Variants in PTPRT observed in about 807,000 individuals in gnomAD.
PTPRT encodes receptor-type tyrosine-protein phosphatase T.
In PTPRT, 56 loss-of-function variants were observed where a neutral mutation model predicts 176.8. The ratio of observed to expected loss-of-function variants is 0.32; its 90% CI spans 0.26 to 0.40. The LOEUF (loss-of-function observed/expected upper bound fraction) is 0.40. Ranked by LOEUF, PTPRT falls within the 10% of genes least tolerant of loss-of-function variation. The probability of loss-of-function intolerance (pLI) is 1.00; values close to 1 mark genes in which losing one functional copy is unlikely to be tolerated. For synonymous variants in PTPRT, 783 were observed against 739.0 expected, an observed-to-expected ratio of 1.06 and a Z score of -0.96; for missense variants, 1,540 against 1,908.2, an observed-to-expected ratio of 0.81 and a Z score of 3.60.
At chr20:42,512,354 T>C (rs1362739132) in intron 7 of PTPRT, among the ~76,000 whole-genome samples, 2 of 152,192 alleles carry the variant, frequency 1.3e-5, no homozygotes, top group African/African-American at 4.8e-5. Context: ...TATGGTTTTA[T>C]CTTTTTGAGA....
intron 5 of PTPRT, among the ~76,000 whole-genome samples, chr20:42,765,241 A>G (rs973368651): frequency 6.6e-6 from 1 of 152,204 alleles, no homozygotes; most frequent in Non-Finnish European, 1.5e-5. Flanking sequence ...GAGGCCTGAG[A>G]GTCAGCTCCA....
chr20:42,755,969 G>A (rs1335594810), intron 6 of PTPRT, among the ~76,000 whole-genome samples: 2 of 152,122 alleles, frequency 1.3e-5, no homozygotes, highest in East Asian at 3.9e-4. Flanking sequence ...GTATCTCAAG[G>A]TGAACAAGAA....
At position 42,678,026 on chromosome 20, in the gene PTPRT, T is replaced by G; in HGVS notation, c.993A>C (p.Thr331=). Residue 331 remains threonine (T), a synonymous_variant, in exon 7 of 31, where the codon ACA becomes ACC. Coordinates refer to ENST00000373187, the MANE Select transcript of PTPRT (RefSeq NM_007050.6). ...CTATGTGGGTCTCTGCCCACGTGCC[T>G]GTGGTGGTGCGATATTCCACTTCCT... The part of the protein sequence containing the change: ...ILKEVEYRTT[T]GTWAETHIVD... 6.2e-7 allele frequency: 1 copy of G among 1,614,162 alleles called. No homozygotes were observed. Among genetic ancestry groups the G allele is most frequent in the African/African-American group, 1.3e-5 (1 of 75,058 alleles).
chr20:42,618,034 G>T lies in PTPRT; in HGVS notation c.1153+59832C>A, dbSNP rs1417278158. Among the ~76,000 whole-genome samples, 180 of 136,118 alleles carry T rather than the reference G, an allele frequency of 1.3e-3. 45 individuals are homozygous for T. The highest frequency in any genetic ancestry group is 5.4e-3 in the African/African-American group (168 of 30,868). 89.3% of individuals were successfully genotyped at this position (136,118 alleles called of 152,430 possible). A position where few individuals can be genotyped will look rare whatever the true frequency, so the allele number is the denominator to read the frequency against. ...CTTGTTCTTTTAATTGTGATGTTAG[G>T]GTGTCAATTTTGGATCTTTCCTGCT... On this transcript the variant is annotated intron_variant, in intron 7 of 30. Transcript: ENST00000373187.
intron 6 of PTPRT, among the ~76,000 whole-genome samples, chr20:42,742,822 A>C (rs1274649423): frequency 6.6e-6 from 1 of 152,168 alleles, no homozygotes; most frequent in Non-Finnish European, 1.5e-5. Context: ...GTCCCTTTCT[A>C]CAGATGGAGA....
intron 2 of PTPRT, among the ~76,000 whole-genome samples, chr20:42,870,643 G>A (rs533562680): frequency 2.2e-4 from 33 of 152,326 alleles, no homozygotes; most frequent in African/African-American, 7.7e-4. Context: ...ACACAATGAT[G>A]AAATTGCATA....
intron 1 of PTPRT, among the ~76,000 whole-genome samples, chr20:42,923,121 T>C (rs73910631): frequency 0.03 from 4,600 of 152,164 alleles, 154 homozygotes; most frequent in African/African-American, 0.082. Context: ...TTCATACCTG[T>C]AGGAGAGCCA....
chr20:42,190,813 C>T (rs1194301358), intron 16 of PTPRT, among the ~76,000 whole-genome samples: 1 of 152,166 alleles, frequency 6.6e-6, no homozygotes, highest in East Asian at 1.9e-4. Context: ...ATAATAACAT[C>T]TACAGAAGGC....
At chr20:43,171,256 T>C (rs968803693) in intron 1 of PTPRT, among the ~76,000 whole-genome samples, 43 of 152,176 alleles carry the variant, frequency 2.8e-4, no homozygotes, top group African/African-American at 1.0e-3. Flanking sequence ...ACACAGAATC[T>C]TCGATTCAAG....
intron 8 of PTPRT, among the ~76,000 whole-genome samples, chr20:42,462,256 T>C (rs1453253453): frequency 6.6e-6 from 1 of 152,122 alleles, no homozygotes; most frequent in African/African-American, 2.4e-5. Flanking sequence ...AAATATTCTC[T>C]GGGAGACTAG....
In PTPRT at chr20:43,101,179, G is replaced by A. The variant is rs2012379026; in HGVS notation, c.88+88467C>T. Reference sequence around the variant, plus strand: ...CATACAAAGATAAGAAAATTCAAGTGCTCCGAACCTCAGTTTTCTTAACAA... The same window carrying A: ...CATACAAAGATAAGAAAATTCAAGTACTCCGAACCTCAGTTTTCTTAACAA... On this transcript the variant is annotated intron_variant, in intron 1 of 30. Coordinates refer to ENST00000373187, the MANE Select transcript of PTPRT (RefSeq NM_007050.6). Among the ~76,000 whole-genome samples the A allele has an allele frequency of 2.0e-5, 3 of 152,102 alleles. No individual in the cohort carries two copies. In the South Asian group the frequency reaches 6.2e-4, roughly 31 times the overall value.
At chr20:43,039,994 T>C (rs1351110861) in intron 1 of PTPRT, among the ~76,000 whole-genome samples, 2 of 151,668 alleles carry the variant, frequency 1.3e-5, no homozygotes, top group East Asian at 3.9e-4. Flanking sequence ...TGAGCCGAGA[T>C]AGTACCGTTG....
intron 6 of PTPRT, among the ~76,000 whole-genome samples, chr20:42,680,671 G>A (rs907312702): frequency 4.6e-5 from 7 of 152,276 alleles, no homozygotes; most frequent in Middle Eastern, 3.4e-3. Context: ...GGCTGAGTGA[G>A]TGGCCCCATT....
chr20:42,804,597 A>G (rs758922798), intron 2 of PTPRT, among the ~76,000 whole-genome samples: 2 of 152,206 alleles, frequency 1.3e-5, no homozygotes, highest in Non-Finnish European at 2.9e-5. Flanking sequence ...AAAGACCACA[A>G]AGTGAGTGGC....
intron 22 of PTPRT, among the ~76,000 whole-genome samples, chr20:42,113,696 C>A (rs913029782): frequency 6.6e-6 from 1 of 152,232 alleles, no homozygotes; most frequent in African/African-American, 2.4e-5. Flanking sequence ...CTTCCCTCTC[C>A]TGCTTCCCAC....
At chr20:43,059,993 T>TA (rs560671621) in intron 1 of PTPRT, among the ~76,000 whole-genome samples, 14,299 of 144,188 alleles carry the variant, frequency 0.099, 759 homozygotes, top group South Asian at 0.14. Flanking sequence ...AGACTTTGTC[T>TA]AAAAAAAAAA....
intron 9 of PTPRT, among the ~76,000 whole-genome samples, chr20:42,439,356 T>C (rs561943572): frequency 6.6e-6 from 1 of 152,326 alleles, no homozygotes; most frequent in South Asian, 2.1e-4. Flanking sequence ...AGGTCTGTGG[T>C]GGGCTCTGGC....
chr20:42,472,305 T>A lies in PTPRT; in HGVS notation c.1411A>T (p.Met471Leu). 1.2e-6 allele frequency: 2 copies of A among 1,614,208 alleles called. No individual in the cohort carries two copies. Among genetic ancestry groups the A allele is most frequent in the Non-Finnish European group, 1.7e-6 (2 of 1,180,034 alleles). Residue 471 changes from methionine (M) to leucine (L), a missense_variant, in exon 8 of 31, where the codon ATG becomes TTG. Physicochemically the swap from Met to Leu is conservative, Grantham distance 15 (BLOSUM62 2). Transcript: ENST00000373187. ...RLLLSNPEGR[M>L]ESEELVVQTE... Reference sequence around the variant, plus strand: ...TGCACCACCAGCTCCTCGCTCTCCATTCGGCCCTCGGGGTTAGACAGCAAG... The same window carrying A: ...TGCACCACCAGCTCCTCGCTCTCCAATCGGCCCTCGGGGTTAGACAGCAAG...
intron 1 of PTPRT, among the ~76,000 whole-genome samples, chr20:43,038,877 A>G (rs910382903): frequency 2.0e-5 from 3 of 152,198 alleles, no homozygotes; most frequent in Non-Finnish European, 2.9e-5. Context: ...TAAACAAGAA[A>G]TATGCAAGAC....
Sources: gnomAD v4.1 joint callset for allele counts (sites outside exome capture counted in the v4.1 genomes callset) on GRCh38, gnomAD v4.1.1 for gene constraint, MANE v1.5 for transcripts, NCBI Gene and HGNC (gene_info 2026-07-23, HGNC 2026-07-21) for gene names.